Variants in SREK1IP1 observed in about 807,000 individuals in gnomAD.
The protein encoded by SREK1IP1 is SREK1 interacting protein 1, also known as protein SREK1IP1.
A neutral mutation model predicts 22.8 loss-of-function variants in SREK1IP1; 12 were observed. That is an observed-to-expected ratio of 0.53 (90% CI 0.34 to 0.85). The LOEUF is 0.85. SREK1IP1 is among the 40% of genes least tolerant of loss of function. The pLI is 0.02. For missense variants in SREK1IP1, 147 were observed against 171.8 expected (o/e 0.86, Z 0.81); for synonymous variants, 53 against 52.7 (o/e 1.01, Z -0.02).
intron 2 of SREK1IP1, among the ~76,000 whole-genome samples, chr5:64,749,048 T>G (rs1742692692): frequency 7.1e-6 from 1 of 141,840 alleles, no homozygotes; most frequent in African/African-American, 2.6e-5. Flanking sequence ...CTTCCAGGAG[T>G]AGCTATGCCA....
chr5:64,767,995 A>G (rs186277892), intron 1 of SREK1IP1, among the ~76,000 whole-genome samples: 1 of 152,310 alleles, frequency 6.6e-6, no homozygotes, highest in Admixed American at 6.5e-5. Flanking sequence ...TCTTTTTATA[A>G]GGAAACTGAG....
Position 64,724,327 on chromosome 5 carries a change from G to A in SREK1IP1, c.*57C>T, listed in dbSNP as rs1742225249. ...TAATATATAGCAAATTCCAAGGAAG[G>A]GCAAACACGTTTTAAAAACAAATTT... On this transcript the variant is annotated 3_prime_UTR_variant, in exon 5 of 5. Transcript: ENST00000513458. 7.0e-7 allele frequency: 1 copy of A among 1,423,456 alleles called. No individual in the cohort carries two copies. The highest frequency in any genetic ancestry group is 9.4e-7 in the Non-Finnish European group (1 of 1,061,286). The allele number at this position is 1,423,456 out of a possible 1,614,324, so 88.2% of individuals were successfully genotyped here.
intron 3 of SREK1IP1, among the ~76,000 whole-genome samples, chr5:64,739,946 TA>T (rs1465703203): frequency 1.3e-5 from 2 of 152,176 alleles, no homozygotes; most frequent in Non-Finnish European, 2.9e-5. Context: ...CAATCTAAAC[TA>T]AAATGAATTT....
intron 2 of SREK1IP1, among the ~76,000 whole-genome samples, chr5:64,752,144 G>GGTTT (rs1554065460): frequency 4.2e-4 from 36 of 85,470 alleles, no homozygotes; most frequent in Non-Finnish European, 6.1e-4. Context: ...TTTTTTTTGT[G>GGTTT]TGTTTTTTTT....
At position 64,719,392 on chromosome 5, in the gene SREK1IP1, T is replaced by A. The variant is rs1742118147; in HGVS notation, c.*4992A>T. The A allele has an allele frequency of 6.6e-6, 1 of 152,188 alleles. No homozygotes were observed. Among genetic ancestry groups the A allele is most frequent in the Non-Finnish European group, 1.5e-5 (1 of 68,022 alleles). The allele number at this position is 152,188 out of a possible 1,614,324, so 9.4% of individuals were successfully genotyped here. On this transcript the variant is annotated 3_prime_UTR_variant, in exon 5 of 5. Coordinates refer to ENST00000513458, the MANE Select transcript of SREK1IP1 (RefSeq NM_173829.4). ...TTTGAAAATTAAGACATTTCCATTA[T>A]AAAAATGACATTTTACACGGCCATA...
intron 4 of SREK1IP1, among the ~76,000 whole-genome samples, chr5:64,725,864 T>C (rs1271172388): frequency 6.8e-6 from 1 of 147,072 alleles, no homozygotes; most frequent in Admixed American, 6.7e-5. Context: ...TTTGTTTCTT[T>C]TTTTTTTTTT....
chr5:64,740,488 G>C (rs1367075333), intron 3 of SREK1IP1, among the ~76,000 whole-genome samples: 1 of 152,084 alleles, frequency 6.6e-6, no homozygotes, highest in Non-Finnish European at 1.5e-5. Flanking sequence ...AACTTCTTAT[G>C]TTAATATTGA....
intron 1 of SREK1IP1, among the ~76,000 whole-genome samples, chr5:64,767,040 C>T (rs756724750): frequency 6.6e-6 from 1 of 152,214 alleles, no homozygotes; most frequent in South Asian, 2.1e-4. Flanking sequence ...ATATTAGCTA[C>T]AGCTACTACC....
chr5:64,749,212 G>T (rs969515221), intron 2 of SREK1IP1, among the ~76,000 whole-genome samples: 1 of 151,694 alleles, frequency 6.6e-6, no homozygotes, highest in African/African-American at 2.4e-5. Context: ...GTACCCAAAT[G>T]TCTACTTCTG....
At chr5:64,752,041 A>AGT (rs1301865830) in intron 2 of SREK1IP1, among the ~76,000 whole-genome samples, 1 of 151,636 alleles carries the variant, frequency 6.6e-6, no homozygotes, top group African/African-American at 2.4e-5. Context: ...CCCAAGGCCT[A>AGT]GTGTCCTTGC....
Position 64,724,085 on chromosome 5 carries a change from A to G in SREK1IP1, c.*299T>C, listed in dbSNP as rs761587204. ...AGTAAAGCCATTTTACAATGAACTT[A>G]TGAAGTAGTAACACTAGCCAAACAC... On this transcript the variant is annotated 3_prime_UTR_variant, in exon 5 of 5. Transcript: ENST00000513458. 3.8e-5 allele frequency: 8 copies of G among 208,718 alleles called. No individual in the cohort carries two copies. Among genetic ancestry groups the G allele is most frequent in the Non-Finnish European group, 5.7e-5 (6 of 105,576 alleles). The allele number at this position is 208,718 out of a possible 1,614,324, so 12.9% of individuals were successfully genotyped here.
chr5:64,726,618 T>TATG (rs1742272320), intron 4 of SREK1IP1, among the ~76,000 whole-genome samples: 1 of 151,950 alleles, frequency 6.6e-6, no homozygotes, highest in Admixed American at 6.6e-5. Context: ...TACTTCAACT[T>TATG]ATGATGGAGT....
At chr5:64,728,053 C>A in intron 4 of SREK1IP1, 54 bp downstream of exon 4, 1 of 1,182,988 alleles carries the variant, frequency 8.5e-7, no homozygotes, top group Non-Finnish European at 1.1e-6. Flanking sequence ...ATTTTATAAT[C>A]CATCCTAAAC....
At chr5:64,761,076 A>T (rs770187585) in intron 1 of SREK1IP1, among the ~76,000 whole-genome samples, 5 of 152,394 alleles carry the variant, frequency 3.3e-5, no homozygotes, top group Admixed American at 2.0e-4. Flanking sequence ...CAGAGAGGTT[A>T]CATTGCAGAC....
chr5:64,768,275 TA>T (rs1478327032), intron 1 of SREK1IP1, among the ~76,000 whole-genome samples: 1 of 152,202 alleles, frequency 6.6e-6, no homozygotes, highest in African/African-American at 2.4e-5. Flanking sequence ...ACTTTCCCTG[TA>T]ATCCCAAGCA....
At chr5:64,763,781 A>T (rs1051707877) in intron 1 of SREK1IP1, among the ~76,000 whole-genome samples, 2 of 152,176 alleles carry the variant, frequency 1.3e-5, no homozygotes, top group African/African-American at 4.8e-5. Flanking sequence ...CCCTACAGGG[A>T]TATCCAATCT....
At chr5:64,741,593 C>T (rs1742551956) in intron 2 of SREK1IP1, among the ~76,000 whole-genome samples, 1 of 151,986 alleles carries the variant, frequency 6.6e-6, no homozygotes, top group African/African-American at 2.4e-5. Flanking sequence ...TTTTCTTTCC[C>T]AGTTTGACAA....
At chr5:64,727,837 C>T (rs1742301971) in intron 4 of SREK1IP1, 2 of 206,004 alleles carry the variant, frequency 9.7e-6, no homozygotes, top group Non-Finnish European at 1.8e-5. Context: ...CATGAGCCAT[C>T]GCACCTGGAC....
chr5:64,747,802 C>T (rs1161209198), intron 2 of SREK1IP1, among the ~76,000 whole-genome samples: 2 of 152,078 alleles, frequency 1.3e-5, no homozygotes, highest in Non-Finnish European at 2.9e-5. Context: ...GTGGCACACA[C>T]CTGTAGTCCC....
Sources: allele counts gnomAD v4.1 joint callset (sites outside exome capture counted in the v4.1 genomes callset), GRCh38; gene constraint gnomAD v4.1.1; transcripts MANE v1.5; gene names NCBI Gene and HGNC (gene_info 2026-07-23, HGNC 2026-07-21).